The following ESR2 variants were observed in gnomAD, a reference collection of about 807,000 sequenced individuals.
ESR2 encodes the protein estrogen receptor 2.
In ESR2, 36 loss-of-function variants were observed where a neutral mutation model predicts 49.6. That is an observed-to-expected ratio of 0.73 (90% confidence interval 0.56 to 0.96). The LOEUF (loss-of-function observed/expected upper bound fraction) is 0.96, where lower values mean the gene tolerates loss of function less well. Ranked by LOEUF, ESR2 falls within the 40% of genes least tolerant of loss-of-function variation. The pLI is 0.00. For missense variants in ESR2, 714 were observed against 693.0 expected, an observed-to-expected ratio of 1.03 and a Z score of -0.34; for synonymous variants, 320 against 266.1, an observed-to-expected ratio of 1.20 and a Z score of -1.97.
At chr14:64,283,281 T>G (rs528539052) in intron 1 of ESR2, among the ~76,000 whole-genome samples, 1 of 152,198 alleles carries the variant, frequency 6.6e-6, no homozygotes, top group Non-Finnish European at 1.5e-5. Flanking sequence ...CTTCATTGCT[T>G]GTTTGTTTAA....
chr14:64,228,139 T>C, downstream of ESR2: 1 of 1,025,668 alleles, frequency 9.7e-7, no homozygotes, highest in South Asian at 2.6e-5. Flanking sequence ...GCTTCTTAAC[T>C]CTTCTGAAAT....
intron 4 of ESR2, among the ~76,000 whole-genome samples, chr14:64,267,033 A>G (rs1485396913): frequency 6.6e-6 from 1 of 152,114 alleles, no homozygotes. Flanking sequence ...GGCACATGCC[A>G]CCACGCCCGG....
Position 64,260,644 on chromosome 14 carries a change from G to C in ESR2, c.757C>G (p.Pro253Ala), listed in dbSNP as rs748219656. 1 of 1,608,112 alleles carries C rather than the reference G, an allele frequency of 6.2e-7. No homozygotes were observed. ...GKAKRSGGHAPRVRELLLDAL... is the reference protein window; with the variant it reads ...GKAKRSGGHAARVRELLLDAL... ...TCCAGCAGCAGCTCCCGCACTCGGG[G>C]CGCGTGGCCGCCACTTCTCTTGGCC... Residue 253 changes from proline (P) to alanine (A), a missense_variant, in exon 5 of 9, where the codon CCC (proline) becomes GCC (alanine). Pro to Ala is a conservative substitution (Grantham distance 27). Transcript: ENST00000341099.
chr14:64,279,652 C>T (rs1330382281), intron 3 of ESR2, among the ~76,000 whole-genome samples: 1 of 152,202 alleles, frequency 6.6e-6, no homozygotes, highest in African/African-American at 2.4e-5. Context: ...AAGAAAGAAA[C>T]AATCTTTGCA....
At chr14:64,227,441 A>AT, downstream of ESR2, 2 of 1,426,574 alleles carry the variant, frequency 1.4e-6, no homozygotes, top group Non-Finnish European at 1.9e-6. Context: ...CTTTAAAATT[A>AT]TTTTTTTCAT....
intron 5 of ESR2, among the ~76,000 whole-genome samples, chr14:64,258,794 T>C (rs762942667): frequency 2.0e-5 from 3 of 152,210 alleles, no homozygotes; most frequent in Non-Finnish European, 2.9e-5. Flanking sequence ...ACAATAAGCC[T>C]ACCCAAGAGA....
intron 3 of ESR2, among the ~76,000 whole-genome samples, chr14:64,275,536 C>T (rs1329891022): frequency 1.3e-5 from 2 of 152,042 alleles, no homozygotes; most frequent in African/African-American, 4.8e-5. Flanking sequence ...AACCCCATCT[C>T]TACTAAAAAT....
intron 7 of ESR2, among the ~76,000 whole-genome samples, chr14:64,242,242 T>A (rs2075742813): frequency 6.6e-6 from 1 of 151,892 alleles, no homozygotes. Context: ...AAACCTCATC[T>A]CTACTAAAAA....
chr14:64,299,196 A>G (rs2140861887), upstream of ESR2, among the ~76,000 whole-genome samples: 1 of 151,722 alleles, frequency 6.6e-6, no homozygotes, highest in Non-Finnish European at 1.5e-5. Context: ...TTGAGACCAT[A>G]GATAAGACTG....
At chr14:64,279,747 C>T (rs1010124333) in intron 3 of ESR2, among the ~76,000 whole-genome samples, 11 of 152,176 alleles carry the variant, frequency 7.2e-5, no homozygotes, top group South Asian at 6.2e-4. Flanking sequence ...TGTGGGTGAA[C>T]GAGGGGTAAG....
At chr14:64,324,674 A>T (rs1178295803) in intron 1 of ESR2, among the ~76,000 whole-genome samples, 1 of 152,188 alleles carries the variant, frequency 6.6e-6, no homozygotes, top group African/African-American at 2.4e-5. Context: ...AAGCATCTGA[A>T]TTTCCTGCTG....
At position 64,229,838 on chromosome 14, in the gene ESR2, AAAT is replaced by A. The variant is rs2098725563; in HGVS notation, c.*3296_*3298del. Among the ~76,000 whole-genome samples the A allele has an allele frequency of 2.0e-5, 3 of 152,326 alleles. No individual in the cohort carries two copies. The highest frequency in any genetic ancestry group is 1.3e-4 in the Admixed American group (2 of 15,296). ...GGCACAGATATTATCTTTAGATACT[AAAT>A]AATGTGTTTTTATCTTTTTAAAAGA... is the stretch of plus-strand genomic sequence containing the variant. On this transcript the variant is annotated 3_prime_UTR_variant, in exon 9 of 9. Transcript: ENST00000341099.
chr14:64,257,552 T>C (rs1195072340), intron 5 of ESR2, 188 bp from the exon 6 acceptor site: 1 of 695,344 alleles, frequency 1.4e-6, no homozygotes, highest in Non-Finnish European at 2.3e-6. Flanking sequence ...CAACTTAGTT[T>C]CCAGTCTTGG....
chr14:64,270,171 TAAATG>T (rs2076411196), intron 3 of ESR2, among the ~76,000 whole-genome samples: 1 of 152,152 alleles, frequency 6.6e-6, no homozygotes, highest in African/African-American at 2.4e-5. Context: ...ATCTCAATGA[TAAATG>T]AAATGAGCAA....
At chr14:64,289,940 G>A (rs1465024267) in intron 1 of ESR2, among the ~76,000 whole-genome samples, 1 of 152,312 alleles carries the variant, frequency 6.6e-6, no homozygotes, top group South Asian at 2.1e-4. Flanking sequence ...CTCCACATTT[G>A]TGTGTCCTGC....
chr14:64,234,781 CAT>C (rs2098730819), intron 8 of ESR2, 187 bp downstream of exon 8: 1 of 1,291,580 alleles, frequency 7.7e-7, no homozygotes, highest in Middle Eastern at 2.8e-4. Flanking sequence ...TAAGATACCA[CAT>C]GACATTCCTT....
Position 64,230,631 on chromosome 14 carries a change from T to A in ESR2, c.*2506A>T, listed in dbSNP as rs117529923. On this transcript the variant is annotated 3_prime_UTR_variant, in exon 9 of 9. Transcript: ENST00000341099. ...TTTGAGAAAAATCCCTTCAAGACTA[T>A]TTTAGGGTCAAGTCTTTTGTAGTCA... is the stretch of plus-strand genomic sequence containing the variant. Among the ~76,000 whole-genome samples the A allele has an allele frequency of 0.053, 8,104 of 152,064 alleles. 296 individuals are homozygous for A. Among genetic ancestry groups the A allele is most frequent in the Non-Finnish European group, 0.081 (5,478 of 67,980 alleles).
At chr14:64,243,967 G>C (rs948848232) in intron 7 of ESR2, among the ~76,000 whole-genome samples, 9 of 152,166 alleles carry the variant, frequency 5.9e-5, no homozygotes, top group Admixed American at 4.6e-4. Flanking sequence ...GAGACCACTG[G>C]TGTCTATTTG....
intron 1 of ESR2, among the ~76,000 whole-genome samples, chr14:64,286,686 A>T (rs1235320861): frequency 6.6e-6 from 1 of 152,038 alleles, no homozygotes; most frequent in South Asian, 2.1e-4. Flanking sequence ...ACATATAGTG[A>T]TAACTATTGC....
Sources: gnomAD v4.1 joint callset for allele counts (sites outside exome capture counted in the v4.1 genomes callset) on GRCh38, gnomAD v4.1.1 for gene constraint, MANE v1.5 for transcripts, NCBI Gene and HGNC (gene_info 2026-07-23, HGNC 2026-07-21) for gene names.